Variants in COL13A1 observed in about 807,000 individuals in gnomAD.
COL13A1 encodes collagen alpha-1(XIII) chain.
Under a neutral mutation model 130.9 loss-of-function variants are expected in COL13A1, and 89 were observed. That is an observed-to-expected ratio of 0.68 (90% confidence interval 0.57 to 0.81). COL13A1 has a LOEUF of 0.81. Ranked by LOEUF, COL13A1 falls within the 30% of genes least tolerant of loss-of-function variation. The pLI is 0.00. For missense variants in COL13A1, 879 were observed against 934.6 expected (o/e 0.94, Z 0.78); for synonymous variants, 402 against 341.6 (o/e 1.18, Z -1.95).
intron 38 of COL13A1, among the ~76,000 whole-genome samples, chr10:69,951,647 G>A (rs752353318): frequency 2.0e-5 from 3 of 152,226 alleles, no homozygotes; most frequent in Non-Finnish European, 4.4e-5. Context: ...TTACAGACAT[G>A]AGCCACCATG....
At chr10:69,820,560 G>A (rs956910988) in intron 1 of COL13A1, among the ~76,000 whole-genome samples, 1 of 152,230 alleles carries the variant, frequency 6.6e-6, no homozygotes, top group African/African-American at 2.4e-5. Flanking sequence ...CACCAGAGGG[G>A]CTATCACCAG....
At chr10:69,897,416 C>A in intron 13 of COL13A1, 1 of 1,561,604 alleles carries the variant, frequency 6.4e-7, no homozygotes. Flanking sequence ...TGTCTGTGGG[C>A]TCTCCCCTCA....
At chr10:69,870,457 C>G (rs4746928) in intron 3 of COL13A1, among the ~76,000 whole-genome samples, 32,978 of 149,292 alleles carry the variant, frequency 0.22, 3,751 homozygotes, top group Middle Eastern at 0.28. Flanking sequence ...GGACTACAGG[C>G]GTATGCCCCC....
intron 1 of COL13A1, among the ~76,000 whole-genome samples, chr10:69,817,058 AT>A (rs1318187630): frequency 1.3e-5 from 2 of 152,276 alleles, no homozygotes; most frequent in African/African-American, 2.4e-5. Flanking sequence ...GTAAATATAT[AT>A]TTTTTATGGG....
intron 1 of COL13A1, among the ~76,000 whole-genome samples, chr10:69,810,169 T>G (rs1328897785): frequency 6.6e-6 from 1 of 152,154 alleles, no homozygotes; most frequent in Non-Finnish European, 1.5e-5. Context: ...CCTCAAAGGC[T>G]TGCCCTTGTA....
At chr10:69,923,532 G>A (rs1379811547) in intron 23 of COL13A1, among the ~76,000 whole-genome samples, 1 of 152,224 alleles carries the variant, frequency 6.6e-6, no homozygotes, top group Non-Finnish European at 1.5e-5. Context: ...GTGGGCCTAG[G>A]AGGGCCTGGC....
At chr10:69,867,129 G>C (rs993930200) in intron 2 of COL13A1, among the ~76,000 whole-genome samples, 1 of 152,198 alleles carries the variant, frequency 6.6e-6, no homozygotes, top group Non-Finnish European at 1.5e-5. Context: ...TGCTGCGGCC[G>C]TGGGAGGGAG....
intron 2 of COL13A1, among the ~76,000 whole-genome samples, chr10:69,856,837 G>C (rs2133711312): frequency 6.6e-6 from 1 of 152,276 alleles, no homozygotes; most frequent in East Asian, 1.9e-4. Flanking sequence ...CACTGTTTCT[G>C]GGAGACTCAG....
At chr10:69,943,479 C>A (rs941041922) in intron 35 of COL13A1, among the ~76,000 whole-genome samples, 4 of 152,240 alleles carry the variant, frequency 2.6e-5, no homozygotes, top group African/African-American at 7.2e-5. Flanking sequence ...ATGGCTCCAG[C>A]GCCCCCAGCC....
At chr10:69,851,560 G>A (rs1854815303) in intron 2 of COL13A1, among the ~76,000 whole-genome samples, 1 of 152,162 alleles carries the variant, frequency 6.6e-6, no homozygotes. Context: ...AGCTACATGT[G>A]GCTATTCAAC....
chr10:69,897,173 G>A (rs1366122492), intron 13 of COL13A1, among the ~76,000 whole-genome samples: 4 of 152,194 alleles, frequency 2.6e-5, no homozygotes, highest in East Asian at 1.9e-4. Context: ...CATGTCAAGC[G>A]TGGGGTGGGG....
chr10:69,850,508 G>A (rs1189441489), intron 2 of COL13A1, among the ~76,000 whole-genome samples: 1 of 150,792 alleles, frequency 6.6e-6, no homozygotes. Context: ...TCTAATGCAG[G>A]GGCCTTCCAG....
intron 31 of COL13A1, among the ~76,000 whole-genome samples, chr10:69,933,287 T>C (rs186266771): frequency 1.5e-4 from 23 of 151,968 alleles, no homozygotes; most frequent in African/African-American, 5.3e-4. Flanking sequence ...GACGGCTTTG[T>C]AGGAGTTTGC....
In COL13A1 at chr10:69,887,500, A is replaced by T; in HGVS notation, c.549+9A>T. ...GTTTCCCTGGATTTCCGGTAAGTGG[A>T]GAAGGCTGAAGTTAGCTGTGTCCCA... On this transcript the variant is annotated intron_variant, in intron 8 of 40. Coordinates refer to ENST00000645393, the MANE Select transcript of COL13A1 (RefSeq NM_001368882.1). The T allele has an allele frequency of 6.2e-7, 1 of 1,613,076 alleles. No individual in the cohort carries two copies. Among genetic ancestry groups the T allele is most frequent in the Non-Finnish European group, 8.5e-7 (1 of 1,179,678 alleles).
At chr10:69,835,327 A>C (rs949018015) in intron 2 of COL13A1, among the ~76,000 whole-genome samples, 1 of 152,106 alleles carries the variant, frequency 6.6e-6, no homozygotes, top group African/African-American at 2.4e-5. Context: ...TTGGGCAGTT[A>C]TAAGAGACTA....
intron 2 of COL13A1, among the ~76,000 whole-genome samples, chr10:69,846,103 A>T (rs187261804): frequency 6.6e-6 from 1 of 152,364 alleles, no homozygotes; most frequent in Admixed American, 6.5e-5. Flanking sequence ...CCATGCCGGA[A>T]ATAAACTTTT....
At chr10:69,881,646 C>T (rs981982504) in intron 7 of COL13A1, among the ~76,000 whole-genome samples, 1 of 152,192 alleles carries the variant, frequency 6.6e-6, no homozygotes, top group African/African-American at 2.4e-5. Context: ...GGGTCGGAGG[C>T]AGAACTTGAG....
chr10:69,860,713 T>C (rs1482539428), intron 2 of COL13A1: 1 of 280,540 alleles, frequency 3.6e-6, no homozygotes, highest in Non-Finnish European at 7.2e-6. Flanking sequence ...CCTCCTTGCC[T>C]GTGGCCTTCT....
intron 37 of COL13A1, among the ~76,000 whole-genome samples, chr10:69,946,247 C>CATGGGGACCCTGTA (rs1565150926): frequency 2.0e-5 from 3 of 152,242 alleles, no homozygotes; most frequent in Non-Finnish European, 4.4e-5. Context: ...GGGCCTCTGC[C>CATGGGGACCCTGTA]ATGGGGACCC....
Sources: allele counts gnomAD v4.1 joint callset (sites outside exome capture counted in the v4.1 genomes callset), GRCh38; gene constraint gnomAD v4.1.1; transcripts MANE v1.5; gene names NCBI Gene and HGNC (gene_info 2026-07-23, HGNC 2026-07-21).